The following FBXL7 variants were observed in gnomAD, a reference collection of about 807,000 sequenced individuals.
FBXL7 encodes the protein F-box and leucine rich repeat protein 7, also known as F-box/LRR-repeat protein 7.
In FBXL7, 12 loss-of-function variants were observed where a neutral mutation model predicts 38.3. The ratio of observed to expected loss-of-function variants is 0.31; its 90% confidence interval spans 0.20 to 0.51. FBXL7 has a LOEUF of 0.51. Among genes scored for constraint, FBXL7 ranks in the 20% least tolerant of loss-of-function variants. The pLI, the probability that FBXL7 is intolerant of heterozygous loss-of-function variation, is 0.98. For synonymous variants in FBXL7, 297 were observed against 300.9 expected, an observed-to-expected ratio of 0.99 and a Z score of 0.13; for missense variants, 567 against 676.4, an observed-to-expected ratio of 0.84 and a Z score of 1.79.
At chr5:15,779,343 T>C (rs1206681980) in intron 2 of FBXL7, among the ~76,000 whole-genome samples, 4 of 152,152 alleles carry the variant, frequency 2.6e-5, no homozygotes, top group African/African-American at 9.7e-5. Flanking sequence ...AGAATAAGAA[T>C]TGTAATGTTC....
chr5:15,728,044 G>A (rs1230618668), intron 2 of FBXL7, among the ~76,000 whole-genome samples: 5 of 152,008 alleles, frequency 3.3e-5, no homozygotes, highest in African/African-American at 1.2e-4. Flanking sequence ...TTCACTTATT[G>A]TACTTTTCAG....
intron 2 of FBXL7, among the ~76,000 whole-genome samples, chr5:15,811,708 A>T (rs1294787841): frequency 6.6e-6 from 1 of 152,156 alleles, no homozygotes; most frequent in African/African-American, 2.4e-5. Flanking sequence ...AAAAGAAGAC[A>T]TTTATATGGC....
intron 1 of FBXL7, among the ~76,000 whole-genome samples, chr5:15,588,555 T>A (rs937173648): frequency 6.6e-6 from 1 of 151,872 alleles, no homozygotes; most frequent in Non-Finnish European, 1.5e-5. Flanking sequence ...TCTGGCTAAT[T>A]TTTGTATTTT....
At chr5:15,829,350 CAAA>C (rs1738394500) in intron 2 of FBXL7, among the ~76,000 whole-genome samples, 1 of 151,996 alleles carries the variant, frequency 6.6e-6, no homozygotes, top group Non-Finnish European at 1.5e-5. Flanking sequence ...TTTGTAACTG[CAAA>C]AATACTATAG....
In FBXL7 at chr5:15,584,342, G is replaced by A. The variant is rs188534373; in HGVS notation, c.38-31641G>A. On this transcript the variant is annotated intron_variant, in intron 1 of 3. Coordinates refer to ENST00000504595, the MANE Select transcript of FBXL7 (RefSeq NM_012304.5). Reference sequence around the variant, plus strand: ...TTTTTCTTTTCTACCACATGGCCAGGCTGCAAATTTTCCAAACTTTTATGC... The same window carrying A: ...TTTTTCTTTTCTACCACATGGCCAGACTGCAAATTTTCCAAACTTTTATGC... Among the ~76,000 whole-genome samples, 98 of 152,248 alleles carry A rather than the reference G, an allele frequency of 6.4e-4. 2 individuals are homozygous for A. The highest frequency in any genetic ancestry group is 1.7e-3 in the African/African-American group (70 of 41,538).
chr5:15,863,678 G>A (rs755785015), intron 2 of FBXL7, among the ~76,000 whole-genome samples: 1 of 152,208 alleles, frequency 6.6e-6, no homozygotes, highest in Non-Finnish European at 1.5e-5. Flanking sequence ...AGGTATTTGG[G>A]TCATGGAGAC....
intron 1 of FBXL7, among the ~76,000 whole-genome samples, chr5:15,555,233 A>C (rs2126427969): frequency 6.6e-6 from 1 of 152,280 alleles, no homozygotes; most frequent in Admixed American, 6.5e-5. Context: ...CCCCCCACAG[A>C]ACATCCAGTT....
At chr5:15,624,954 A>G (rs2126532800) in intron 2 of FBXL7, among the ~76,000 whole-genome samples, 1 of 149,114 alleles carries the variant, frequency 6.7e-6, no homozygotes, top group South Asian at 2.1e-4. Context: ...CTCTCTTGCC[A>G]CTTGATCTCT....
intron 2 of FBXL7, among the ~76,000 whole-genome samples, chr5:15,633,490 T>C (rs982024136): frequency 2.6e-5 from 4 of 152,120 alleles, no homozygotes; most frequent in African/African-American, 4.8e-5. Context: ...TTTTTTAATC[T>C]TAAAATTTTT....
rs796478229 is a variant in FBXL7, at chr5:15,501,960, A to T, written c.37+1247A>T. ...TTTTTTTTTTGACAATTTTTTTTTT[A>T]AAGTTAAAGGCTGCCTTTTTAGATA... On this transcript the variant is annotated intron_variant, in intron 1 of 3. Transcript: ENST00000504595. Among the ~76,000 whole-genome samples the T allele has an allele frequency of 6.9e-3, 955 of 137,798 alleles. 13 individuals are homozygous for T. The highest frequency in any genetic ancestry group is 0.025 in the African/African-American group (888 of 35,908). The allele number at this position is 137,798 out of a possible 152,430, so 90.4% of individuals were successfully genotyped here.
chr5:15,806,202 G>A (rs1579479079), intron 2 of FBXL7, among the ~76,000 whole-genome samples: 1 of 152,070 alleles, frequency 6.6e-6, no homozygotes, highest in Admixed American at 6.6e-5. Context: ...TTGTTTAGAG[G>A]TTATACAAGC....
chr5:15,828,612 C>T (rs1052073585), intron 2 of FBXL7, among the ~76,000 whole-genome samples: 1 of 152,184 alleles, frequency 6.6e-6, no homozygotes, highest in African/African-American at 2.4e-5. Context: ...ACTGTAGGCT[C>T]AGGTAACAAG....
chr5:15,809,955 C>T (rs1284303060), intron 2 of FBXL7, among the ~76,000 whole-genome samples: 4 of 152,186 alleles, frequency 2.6e-5, no homozygotes, highest in East Asian at 1.9e-4. Context: ...GCAACATTCA[C>T]ATGTGAATCT....
At chr5:15,626,875 C>A (rs1463289593) in intron 2 of FBXL7, among the ~76,000 whole-genome samples, 5 of 152,080 alleles carry the variant, frequency 3.3e-5, no homozygotes, top group Admixed American at 3.3e-4. Context: ...ATTTCAGTAT[C>A]TTAATTGAGT....
chr5:15,799,598 G>A (rs1296931337), intron 2 of FBXL7, among the ~76,000 whole-genome samples: 1 of 152,064 alleles, frequency 6.6e-6, no homozygotes, highest in Non-Finnish European at 1.5e-5. Context: ...CCAACCTCAG[G>A]TGATCCACCA....
At chr5:15,527,836 C>T (rs763173204) in intron 1 of FBXL7, among the ~76,000 whole-genome samples, 1 of 152,150 alleles carries the variant, frequency 6.6e-6, no homozygotes, top group Admixed American at 6.5e-5. Context: ...CTGCCTTAAC[C>T]GAACATACCC....
intron 2 of FBXL7, among the ~76,000 whole-genome samples, chr5:15,815,009 A>G (rs1021100557): frequency 6.6e-6 from 1 of 151,870 alleles, no homozygotes. Flanking sequence ...ATTATTTCCA[A>G]CTCCATACCA....
chr5:15,805,815 T>C (rs1475914550), intron 2 of FBXL7, among the ~76,000 whole-genome samples: 1 of 152,214 alleles, frequency 6.6e-6, no homozygotes, highest in Non-Finnish European at 1.5e-5. Flanking sequence ...TTTACAATAA[T>C]AACTTCAGTG....
At position 15,937,461 on chromosome 5, in the gene FBXL7, C is replaced by T; in HGVS notation, c.*275C>T. 2.5e-6 allele frequency: 1 copy of T among 402,580 alleles called. No homozygotes were observed. Among genetic ancestry groups the T allele is most frequent in the Non-Finnish European group, 4.5e-6 (1 of 223,418 alleles). 24.9% of individuals were successfully genotyped at this position (402,580 alleles called of 1,614,324 possible). On this transcript the variant is annotated 3_prime_UTR_variant, in exon 4 of 4. Coordinates refer to ENST00000504595, the MANE Select transcript of FBXL7 (RefSeq NM_012304.5). ...TACTTAAGCAGGCTGATCGCTGTTC[C>T]TTGAGCAAGGCGCTTACTCTCCTCC...
Sources: allele counts gnomAD v4.1 joint callset (sites outside exome capture counted in the v4.1 genomes callset), GRCh38; gene constraint gnomAD v4.1.1; transcripts MANE v1.5; gene names NCBI Gene and HGNC (gene_info 2026-07-23, HGNC 2026-07-21).